Variants in CDH8 observed in about 807,000 individuals in gnomAD.
CDH8 encodes the protein cadherin 8, also known as cadherin-8.
A neutral mutation model predicts 68.1 loss-of-function variants in CDH8; 17 were observed. The ratio of observed to expected loss-of-function variants is 0.25; its 90% CI spans 0.17 to 0.37. The LOEUF (loss-of-function observed/expected upper bound fraction) is 0.37. Among genes scored for constraint, CDH8 ranks in the 10% least tolerant of loss-of-function variants. CDH8 has a pLI of 1.00. For missense variants in CDH8, 763 were observed against 999.3 expected (o/e 0.76, Z 3.19); for synonymous variants, 372 against 365.1 (o/e 1.02, Z -0.21).
intron 8 of CDH8, among the ~76,000 whole-genome samples, chr16:61,771,491 A>AC (rs1416907802): frequency 2.6e-5 from 4 of 151,406 alleles, no homozygotes; most frequent in Admixed American, 1.3e-4. Context: ...AAAAAAAAAA[A>AC]AACTTTTTTT....
intron 8 of CDH8, among the ~76,000 whole-genome samples, chr16:61,756,830 T>C (rs1567455959): frequency 6.6e-6 from 1 of 152,188 alleles, no homozygotes; most frequent in Non-Finnish European, 1.5e-5. Context: ...AATGGGATTC[T>C]CACTGTCCTA....
At chr16:61,870,608 T>C (rs956129748) in intron 3 of CDH8, among the ~76,000 whole-genome samples, 1 of 152,188 alleles carries the variant, frequency 6.6e-6, no homozygotes, top group African/African-American at 2.4e-5. Flanking sequence ...TAGTATGTTA[T>C]TTCAAGATTT....
chr16:61,857,277 C>G (rs1963065147), intron 3 of CDH8, 39 bp from the exon 4 acceptor site: 1 of 1,572,590 alleles, frequency 6.4e-7, no homozygotes, highest in African/African-American at 1.4e-5. Flanking sequence ...ATAATTAACA[C>G]ATTGTCCTTT....
intron 1 of CDH8, among the ~76,000 whole-genome samples, chr16:62,027,295 A>G (rs760640470): frequency 1.3e-5 from 2 of 152,216 alleles, no homozygotes; most frequent in Non-Finnish European, 2.9e-5. Context: ...TGATTCCAAC[A>G]TTATTTTAAG....
At chr16:61,720,240 C>T (rs1269199654) in intron 9 of CDH8, among the ~76,000 whole-genome samples, 3 of 150,768 alleles carry the variant, frequency 2.0e-5, no homozygotes, top group Non-Finnish European at 4.5e-5. Context: ...CCTCCAGTAC[C>T]AGATTGTATC....
intron 8 of CDH8, among the ~76,000 whole-genome samples, chr16:61,754,110 G>T (rs1567454756): frequency 6.6e-6 from 1 of 152,084 alleles, no homozygotes; most frequent in East Asian, 1.9e-4. Context: ...AAACTTCCAG[G>T]TTCTCAAAGA....
At chr16:61,739,911 ATG>A (rs1185769315) in intron 8 of CDH8, among the ~76,000 whole-genome samples, 1 of 62,864 alleles carries the variant, frequency 1.6e-5, no homozygotes, top group African/African-American at 9.9e-5. Flanking sequence ...ATATATATAT[ATG>A]TATTTTTTTT....
At chr16:61,817,353 A>T (rs1490466749) in intron 7 of CDH8, 126 bp downstream of exon 7, 1 of 860,120 alleles carries the variant, frequency 1.2e-6, no homozygotes, top group African/African-American at 1.7e-5. Context: ...GTATGTGCCA[A>T]CCAACATTAT....
At chr16:62,010,157 G>T (rs1237093848) in intron 2 of CDH8, among the ~76,000 whole-genome samples, 1 of 152,206 alleles carries the variant, frequency 6.6e-6, no homozygotes, top group South Asian at 2.1e-4. Context: ...CTCTGTTCCT[G>T]ACTAGCAAAG....
chr16:61,803,364 G>A (rs1336424013), intron 7 of CDH8, among the ~76,000 whole-genome samples: 1 of 133,442 alleles, frequency 7.5e-6, no homozygotes, highest in East Asian at 2.0e-4. Flanking sequence ...GCAAAATCAT[G>A]CCAAAATGTA....
intron 2 of CDH8, among the ~76,000 whole-genome samples, chr16:61,985,513 A>T (rs1597108950): frequency 6.6e-6 from 1 of 152,204 alleles, no homozygotes; most frequent in East Asian, 1.9e-4. Flanking sequence ...TTCTTTTGAG[A>T]CGGAGTTTCA....
chr16:61,782,206 C>A (rs977019624), intron 8 of CDH8, among the ~76,000 whole-genome samples: 1 of 152,142 alleles, frequency 6.6e-6, no homozygotes, highest in Admixed American at 6.5e-5. Context: ...GAGTGCCAGA[C>A]AGTGGGCGCA....
chr16:61,981,693 C>T lies in CDH8; in HGVS notation c.252+39459G>A, dbSNP rs73566701. On this transcript the variant is annotated intron_variant, in intron 2 of 11. Coordinates refer to ENST00000577390, the MANE Select transcript of CDH8 (RefSeq NM_001796.5). ...GTGTGTGTGTGTGTGCGCGCGCGCG[C>T]GTGCGCTTGGGGCAGAAAGAGGAAT... Among the ~76,000 whole-genome samples the T allele has an allele frequency of 5.2e-3, 794 of 151,318 alleles. 9 individuals are homozygous for T. Among genetic ancestry groups the T allele is most frequent in the African/African-American group, 0.017 (705 of 41,216 alleles).
chr16:61,815,509 C>T (rs1021020754), intron 7 of CDH8, among the ~76,000 whole-genome samples: 6 of 152,182 alleles, frequency 3.9e-5, no homozygotes, highest in Admixed American at 1.3e-4. Context: ...CCTTAAGCCT[C>T]ATCTCTAGAT....
At chr16:61,893,334 G>C (rs1963810196) in intron 3 of CDH8, among the ~76,000 whole-genome samples, 1 of 151,932 alleles carries the variant, frequency 6.6e-6, no homozygotes, top group Non-Finnish European at 1.5e-5. Context: ...TCTAAATAAG[G>C]TCATACGCTA....
chr16:61,663,275 T>C (rs994830728), intron 10 of CDH8, among the ~76,000 whole-genome samples: 2 of 152,078 alleles, frequency 1.3e-5, no homozygotes. Context: ...CAGATTATGA[T>C]AACAGATTGA....
At chr16:62,032,498 A>G (rs1054960354) in intron 1 of CDH8, among the ~76,000 whole-genome samples, 1 of 152,208 alleles carries the variant, frequency 6.6e-6, no homozygotes, top group African/African-American at 2.4e-5. Context: ...GTGAATGCCA[A>G]TAGCGCTGAA....
In CDH8 at chr16:61,820,044, G is replaced by A. The variant is rs1488771546; in HGVS notation, c.1023+882C>T. 4.6e-5 allele frequency among the ~76,000 whole-genome samples: 7 copies of A among 152,082 alleles called. No individual in the cohort carries two copies. The South Asian group carries it at 6.2e-4, about 13-fold the overall frequency. Reference sequence around the variant, plus strand: ...ATGAGAACTATAAATGGAAAATGCTGTACAGAATTGTTTACATCTACCATA... The same window carrying A: ...ATGAGAACTATAAATGGAAAATGCTATACAGAATTGTTTACATCTACCATA... On this transcript the variant is annotated intron_variant, in intron 6 of 11. Transcript: ENST00000577390.
At chr16:62,016,548 C>A (rs1287924667) in intron 2 of CDH8, among the ~76,000 whole-genome samples, 1 of 152,144 alleles carries the variant, frequency 6.6e-6, no homozygotes, top group African/African-American at 2.4e-5. Context: ...TTTTCTCTTT[C>A]CTAAGACCAG....
Sources: allele counts gnomAD v4.1 joint callset (sites outside exome capture counted in the v4.1 genomes callset), GRCh38; gene constraint gnomAD v4.1.1; transcripts MANE v1.5; gene names NCBI Gene and HGNC (gene_info 2026-07-23, HGNC 2026-07-21).